Variants in NFATC3 observed in about 807,000 individuals in gnomAD.
NFATC3 encodes nuclear factor of activated T cells 3.
NFATC3 carries 46 observed loss-of-function variants against 98.6 expected under a neutral mutation model. The ratio of observed to expected loss-of-function variants is 0.47; its 90% CI spans 0.37 to 0.60. NFATC3 has a LOEUF of 0.60. NFATC3 is among the 20% of genes least tolerant of loss of function. The pLI, the probability that NFATC3 is intolerant of heterozygous loss-of-function variation, is 0.00. For missense variants in NFATC3, 1,256 were observed against 1,295.5 expected, an observed-to-expected ratio of 0.97 and a Z score of 0.47; for synonymous variants, 512 against 472.2, an observed-to-expected ratio of 1.08 and a Z score of -1.09.
intron 2 of NFATC3, among the ~76,000 whole-genome samples, chr16:68,125,300 A>G (rs1049134685): frequency 6.6e-6 from 1 of 152,214 alleles, no homozygotes; most frequent in Non-Finnish European, 1.5e-5. Context: ...ACAATGAAAT[A>G]ATTTAGAAAT....
intron 3 of NFATC3, among the ~76,000 whole-genome samples, chr16:68,135,820 T>C (rs2037374323): frequency 6.6e-6 from 1 of 152,172 alleles, no homozygotes; most frequent in Non-Finnish European, 1.5e-5. Context: ...CCCAGCACTT[T>C]GGGAGGCCGA....
At chr16:68,203,617 A>G (rs2041019509) in intron 9 of NFATC3, among the ~76,000 whole-genome samples, 1 of 152,228 alleles carries the variant, frequency 6.6e-6, no homozygotes, top group South Asian at 2.1e-4. Flanking sequence ...TGGGCGACAG[A>G]GTGAGACCCT....
chr16:68,200,088 T>C (rs1228768222), intron 9 of NFATC3: 2 of 152,174 alleles, frequency 1.3e-5, no homozygotes, highest in Non-Finnish European at 2.9e-5. Flanking sequence ...TTAATCCTTC[T>C]TGTATAATAG....
At chr16:68,208,589 G>C (rs1316665178) in intron 9 of NFATC3, among the ~76,000 whole-genome samples, 1 of 152,064 alleles carries the variant, frequency 6.6e-6, no homozygotes. Context: ...AATTAGCTGG[G>C]TGTGGTGGCA....
chr16:68,158,471 G>A (rs2038724752), intron 4 of NFATC3, among the ~76,000 whole-genome samples: 1 of 152,152 alleles, frequency 6.6e-6, no homozygotes, highest in African/African-American at 2.4e-5. Context: ...AAGATGAGGT[G>A]GCCAACTTCT....
rs541370008 is a variant in NFATC3 at position 68,085,417 on chromosome 16, G to A, written c.-265G>A. The A allele has an allele frequency of 1.1e-5, 3 of 274,634 alleles. No individual in the cohort carries two copies. Among genetic ancestry groups the A allele is most frequent in the Non-Finnish European group, 1.4e-5 (2 of 146,974 alleles). The allele number at this position is 274,634 out of a possible 1,614,324, so 17.0% of individuals were successfully genotyped here. Reference sequence around the variant, plus strand: ...GCGGCGGTGGCGGCGACTGTGGGGGGGCGGCGGGGAACATTGGCTAAGCCG... The same window carrying A: ...GCGGCGGTGGCGGCGACTGTGGGGGAGCGGCGGGGAACATTGGCTAAGCCG... On this transcript the variant is annotated 5_prime_UTR_variant, in exon 1 of 10. Coordinates refer to ENST00000346183, the MANE Select transcript of NFATC3 (RefSeq NM_173165.3).
At chr16:68,205,745 A>G (rs1270551519) in intron 9 of NFATC3, among the ~76,000 whole-genome samples, 1 of 152,098 alleles carries the variant, frequency 6.6e-6, no homozygotes, top group Non-Finnish European at 1.5e-5. Flanking sequence ...TATGTATACT[A>G]GTTTATACTT....
chr16:68,133,487 G>A (rs575198800), intron 3 of NFATC3, among the ~76,000 whole-genome samples: 17 of 152,018 alleles, frequency 1.1e-4, no homozygotes, highest in African/African-American at 3.4e-4. Flanking sequence ...GTTGTACAAC[G>A]CAATGAATAT....
intron 7 of NFATC3, among the ~76,000 whole-genome samples, chr16:68,183,018 T>A (rs1567537634): frequency 1.3e-5 from 2 of 152,176 alleles, no homozygotes; most frequent in African/African-American, 2.4e-5. Flanking sequence ...GAAACCCAAT[T>A]GGGTGAGTAA....
chr16:68,117,157 C>G (rs1465858603), intron 1 of NFATC3, among the ~76,000 whole-genome samples: 1 of 152,098 alleles, frequency 6.6e-6, no homozygotes, highest in Non-Finnish European at 1.5e-5. Flanking sequence ...AGCTTTTATG[C>G]TGTATATTTT....
At chr16:68,219,235 T>C (rs937017490) in intron 9 of NFATC3, among the ~76,000 whole-genome samples, 1 of 151,880 alleles carries the variant, frequency 6.6e-6, no homozygotes, top group Admixed American at 6.6e-5. Context: ...CAAAAAAAAT[T>C]AGCTGGGCAT....
At position 68,211,227 on chromosome 16, in the gene NFATC3, C is replaced by T. The variant is rs535012888; in HGVS notation, c.3107-15123C>T. Among the ~76,000 whole-genome samples, 6 of 152,114 alleles carry T rather than the reference C, an allele frequency of 3.9e-5. No homozygotes were observed. In the East Asian group the frequency reaches 5.8e-4, roughly 15 times the overall value. ...GTTTTGAGATGGAGTCTCGCTCTGT[C>T]GCCAGGCTGGAGTGCAGTGGCGCGA... is the stretch of plus-strand genomic sequence containing the variant. On this transcript the variant is annotated intron_variant, in intron 9 of 9. Coordinates refer to ENST00000346183, the MANE Select transcript of NFATC3 (RefSeq NM_173165.3).
At chr16:68,198,171 AC>A (rs1301010594) in intron 9 of NFATC3, among the ~76,000 whole-genome samples, 2 of 151,944 alleles carry the variant, frequency 1.3e-5, no homozygotes, top group African/African-American at 4.8e-5. Flanking sequence ...TACAAAAGTT[AC>A]CTGGGCAGGG....
intron 7 of NFATC3, among the ~76,000 whole-genome samples, chr16:68,182,010 C>T (rs186189251): frequency 2.6e-3 from 391 of 152,202 alleles, no homozygotes; most frequent in Non-Finnish European, 4.1e-3. Context: ...AAAAGATAAC[C>T]AGTTAGTGTC....
chr16:68,180,979 C>G (rs2151625280), intron 6 of NFATC3, among the ~76,000 whole-genome samples: 1 of 152,294 alleles, frequency 6.6e-6, no homozygotes, highest in African/African-American at 2.4e-5. Context: ...GTGCATGTGT[C>G]TTTATAGCAG....
At chr16:68,164,556 A>G (rs1292187246) in intron 4 of NFATC3, among the ~76,000 whole-genome samples, 1 of 152,178 alleles carries the variant, frequency 6.6e-6, no homozygotes, top group Non-Finnish European at 1.5e-5. Context: ...TGTTTTTTTA[A>G]CATTGGATTA....
intron 1 of NFATC3, among the ~76,000 whole-genome samples, chr16:68,112,107 C>T (rs968351562): frequency 2.0e-5 from 3 of 151,886 alleles, no homozygotes; most frequent in Non-Finnish European, 4.4e-5. Flanking sequence ...GATTGATCTT[C>T]TCATGGAGTA....
At chr16:68,193,362 A>G (rs1031288265) in intron 9 of NFATC3, among the ~76,000 whole-genome samples, 6 of 152,278 alleles carry the variant, frequency 3.9e-5, no homozygotes, top group African/African-American at 1.4e-4. Flanking sequence ...TGCATGCTCA[A>G]GTTTCACAGT....
intron 2 of NFATC3, among the ~76,000 whole-genome samples, chr16:68,124,786 G>A (rs1282055400): frequency 6.6e-6 from 1 of 151,000 alleles, no homozygotes. Context: ...CTCAAGTGCA[G>A]TGGCATGATC....
Sources: gnomAD v4.1 joint callset for allele counts (sites outside exome capture counted in the v4.1 genomes callset) on GRCh38, gnomAD v4.1.1 for gene constraint, MANE v1.5 for transcripts, NCBI Gene and HGNC (gene_info 2026-07-23, HGNC 2026-07-21) for gene names.